Variants in AGL observed in about 807,000 individuals in gnomAD.
The protein encoded by AGL is amylo-alpha-1,6-glucosidase and 4-alpha-glucanotransferase.
In AGL, 128 loss-of-function variants were observed where a neutral mutation model predicts 199.3. The ratio of observed to expected loss-of-function variants is 0.64; its 90% CI spans 0.56 to 0.74. The LOEUF (loss-of-function observed/expected upper bound fraction) is 0.74, where lower values mean the gene tolerates loss of function less well. Ranked by LOEUF, AGL falls within the 30% of genes least tolerant of loss-of-function variation. The pLI is 0.00. For synonymous variants in AGL, 584 were observed against 594.7 expected (o/e 0.98, Z 0.26); for missense variants, 1,809 against 1,820.8 (o/e 0.99, Z 0.12).
upstream of AGL, among the ~76,000 whole-genome samples, chr1:99,849,468 G>A (rs565522604): frequency 1.4e-4 from 22 of 152,138 alleles, no homozygotes; most frequent in African/African-American, 5.3e-4. Context: ...TGAGTTACTG[G>A]CCTAACATAA....
chr1:99,898,113 C>T (rs1027523738), intron 25 of AGL, among the ~76,000 whole-genome samples: 118 of 150,236 alleles, frequency 7.9e-4, no homozygotes, highest in Non-Finnish European at 1.2e-3. Flanking sequence ...GTGGCGCAAT[C>T]TCCGCTCACT....
intron 25 of AGL, 90 bp from the exon 26 acceptor site, chr1:99,900,546 C>T: frequency 1.6e-6 from 2 of 1,227,498 alleles, no homozygotes; most frequent in Non-Finnish European, 2.4e-6. Flanking sequence ...AAAACGCATT[C>T]AAAATATAGT....
chr1:99,875,369 C>T lies in AGL; in HGVS notation c.1197C>T (p.Cys399=), dbSNP rs928269107. 1.2e-6 allele frequency: 2 copies of T among 1,613,942 alleles called. No individual in the cohort carries two copies. The highest frequency in any genetic ancestry group is 1.1e-5 in the South Asian group (1 of 91,084). The part of the protein sequence containing the change: ...INYHQEQAVN[C]LLGNVFYERL... ...TTAATGTTTTTCAGGCAGTTAATTG[C>T]CTTTTGGGAAATGTGTTTTATGAAC... The change falls in exon 10 of 34, where the codon TGC becomes TGT. Residue 399 remains cysteine (C), a synonymous_variant. Transcript: ENST00000361915.
Position 99,912,395 on chromosome 1 carries a change from T to C in AGL, c.3837-10T>C. 6.2e-7 allele frequency: 1 copy of C among 1,612,164 alleles called. No individual in the cohort carries two copies. The highest frequency in any genetic ancestry group is 8.5e-7 in the Non-Finnish European group (1 of 1,178,398). On this transcript the variant is annotated splice_polypyrimidine_tract_variant and intron_variant, in intron 28 of 33. Transcript: ENST00000361915. ...AACTTAAAGAATAAAAATACGTTTT[T>C]TAATTTTAGAGATGGGTCTGCTGTG... is the stretch of plus-strand genomic sequence containing the variant.
At chr1:99,902,827 A>G (rs1379798326) in intron 27 of AGL, 33 bp downstream of exon 27, 1 of 1,500,212 alleles carries the variant, frequency 6.7e-7, no homozygotes, top group Non-Finnish European at 9.3e-7. Flanking sequence ...GTACAAATTT[A>G]TCAAGGTGAT....
Position 99,921,621 on chromosome 1 carries a change from T to C in AGL, c.4569T>C (p.Ala1523=), listed in dbSNP as rs1655518403. The change falls in exon 34 of 34, where the codon GCT becomes GCC. Residue 1523 remains alanine, a synonymous_variant. Transcript: ENST00000361915. ...FSCETQAWSI[A]TILETLYDL ...GTGAAACACAAGCCTGGTCAATTGC[T>C]ACTATTCTTGAGACACTTTATGATT... The C allele has an allele frequency of 1.2e-6, 2 of 1,611,788 alleles. No individual in the cohort carries two copies. Among genetic ancestry groups the C allele is most frequent in the African/African-American group, 1.3e-5 (1 of 74,872 alleles).
chr1:99,897,662 G>A (rs1304350879), intron 25 of AGL, among the ~76,000 whole-genome samples: 1 of 152,176 alleles, frequency 6.6e-6, no homozygotes, highest in Non-Finnish European at 1.5e-5. Flanking sequence ...TACTGATTTA[G>A]AAGAAGGAAA....
intron 27 of AGL, among the ~76,000 whole-genome samples, chr1:99,909,145 T>C (rs541941159): frequency 6.6e-6 from 1 of 151,944 alleles, no homozygotes; most frequent in South Asian, 2.1e-4. Context: ...GCTGACAGCA[T>C]GCTGTCAGGA....
chr1:99,878,460 A>G (rs2101139325), intron 12 of AGL, among the ~76,000 whole-genome samples: 1 of 152,238 alleles, frequency 6.6e-6, no homozygotes, highest in East Asian at 1.9e-4. Flanking sequence ...ATAAGTGTAA[A>G]CATAAACATT....
intron 27 of AGL, among the ~76,000 whole-genome samples, chr1:99,906,621 G>T (rs140505792): frequency 6.6e-6 from 1 of 152,166 alleles, no homozygotes; most frequent in East Asian, 1.9e-4. Context: ...TCATATGAGT[G>T]AAATCATGCA....
At position 99,857,095 on chromosome 1, in the gene AGL, G is replaced by A. The variant is rs370577864; in HGVS notation, c.83-4408G>A. Among the ~76,000 whole-genome samples the A allele has an allele frequency of 5.7e-4, 86 of 150,860 alleles. No homozygotes were observed. The South Asian group carries it at 9.9e-3, about 17-fold the overall frequency. Reference sequence around the variant, plus strand: ...TGACCCCCCCACCTCCCTCCCGGACGGGGCGGCTGGCCGGGCAGAGGGGCT... The same window carrying A: ...TGACCCCCCCACCTCCCTCCCGGACAGGGCGGCTGGCCGGGCAGAGGGGCT... On this transcript the variant is annotated intron_variant, in intron 2 of 33. Coordinates refer to ENST00000361915, the MANE Select transcript of AGL (RefSeq NM_000642.3).
chr1:99,860,610 TG>T (rs1321765525), intron 2 of AGL, among the ~76,000 whole-genome samples: 3 of 152,212 alleles, frequency 2.0e-5, no homozygotes, highest in South Asian at 2.1e-4. Context: ...GTCTAAGGTA[TG>T]TTTTTTTAAA....
At chr1:99,892,726 C>A (rs901610946) in intron 24 of AGL, 119 bp downstream of exon 24, 2 of 972,188 alleles carry the variant, frequency 2.1e-6, no homozygotes, top group Non-Finnish European at 3.1e-6. Context: ...TATTTTACCA[C>A]TTAGTACATT....
intron 5 of AGL, among the ~76,000 whole-genome samples, chr1:99,865,257 C>T (rs1650414040): frequency 6.6e-6 from 1 of 152,156 alleles, no homozygotes; most frequent in South Asian, 2.1e-4. Context: ...GAGGGGACTA[C>T]TCTATTAATC....
rs1315981910 is a variant in AGL, at chr1:99,891,515, CTAGA to C, written c.2950-88_2950-85del. 15 of 1,532,508 alleles carry C rather than the reference CTAGA, an allele frequency of 9.8e-6. No individual in the cohort carries two copies. The Admixed American group carries it at 1.4e-4, about 14-fold the overall frequency. The allele number at this position is 1,532,508 out of a possible 1,614,324, so 94.9% of individuals were successfully genotyped here. ...AAATGGAAATCGGGTTTATAGATTA[CTAGA>C]TAAAGTTGCACATTTAGATTTACCT... On this transcript the variant is annotated intron_variant, in intron 22 of 33. Transcript: ENST00000361915.
chr1:99,912,497 A>T lies in AGL; in HGVS notation c.3929A>T (p.Glu1310Val). ...LSKKNIFPYH[E>V]VTVKRHGKAI... ...AAAAAAAATATTTTCCCTTATCATG[A>T]AGTCACAGTAAAAAGACATGGTAAG... Residue 1310 changes from glutamate (E) to valine (V), a missense_variant, in exon 29 of 34, where the codon GAA becomes GTA. Coordinates refer to ENST00000361915, the MANE Select transcript of AGL (RefSeq NM_000642.3). 1 of 1,612,880 alleles carries T rather than the reference A, an allele frequency of 6.2e-7. No individual in the cohort carries two copies. The highest frequency in any genetic ancestry group is 8.5e-7 in the Non-Finnish European group (1 of 1,179,032).
chr1:99,895,914 T>C lies in AGL; in HGVS notation c.3260-372T>C, dbSNP rs531064305. ...TGGCTTGAGCCTGGGAGGTGGAGGT[T>C]ACAGTGACGCAAGACTGTGCCACTG... On this transcript the variant is annotated intron_variant, in intron 24 of 33. Transcript: ENST00000361915. Among the ~76,000 whole-genome samples the C allele has an allele frequency of 2.6e-5, 4 of 152,298 alleles. No homozygotes were observed. In the South Asian group the frequency reaches 8.3e-4, roughly 32 times the overall value.
chr1:99,916,539 T>G, intron 32 of AGL, 42 bp downstream of exon 32: 1 of 1,606,554 alleles, frequency 6.2e-7, no homozygotes, highest in Non-Finnish European at 8.5e-7. Flanking sequence ...TTTAAATTAT[T>G]TTTCAAGTAA....
At chr1:99,876,679 C>A in intron 11 of AGL, 82 bp downstream of exon 11, 1 of 1,466,032 alleles carries the variant, frequency 6.8e-7, no homozygotes, top group Non-Finnish European at 9.6e-7. Context: ...TACTGATTTT[C>A]TTCCCCATTA....
Sources: allele counts gnomAD v4.1 joint callset (sites outside exome capture counted in the v4.1 genomes callset), GRCh38; gene constraint gnomAD v4.1.1; transcripts MANE v1.5; gene names NCBI Gene and HGNC (gene_info 2026-07-23, HGNC 2026-07-21).